ZFTA: variants seen among roughly 807,000 people sequenced by gnomAD.
The protein encoded by ZFTA is zinc finger translocation associated.
Under a neutral mutation model 41.8 loss-of-function variants are expected in ZFTA, and 35 were observed. The observed-to-expected ratio is 0.84, with a 90% confidence interval of 0.64 to 1.11. The LOEUF is 1.11. Ranked by LOEUF, ZFTA falls within the 50% of genes most tolerant of loss-of-function variation. The pLI, the probability that ZFTA is intolerant of heterozygous loss-of-function variation, is 0.00. For missense variants in ZFTA, 964 were observed against 989.8 expected (o/e 0.97, Z 0.35); for synonymous variants, 514 against 436.4 (o/e 1.18, Z -2.22).
intron 4 of ZFTA, 37 bp downstream of exon 4, chr11:63,764,001 G>C: frequency 1.5e-6 from 2 of 1,299,026 alleles, no homozygotes; most frequent in Non-Finnish European, 1.0e-6. Flanking sequence ...CAACTGCCCG[G>C]CTCTCCCTCT....
Position 63,764,948 on chromosome 11 carries a change from C to G in ZFTA, c.944G>C (p.Ser315Thr). ...CAGCAGGGCACTGCGCTGGGGGCCG[C>G]TGAGCCCCAGGGAGCCAGGGTGCAC... Reference protein sequence around the residue: ...LEVHPGSLGLSGPQRSALLQA... With the variant: ...LEVHPGSLGLTGPQRSALLQA... The change falls in exon 3 of 5, where the codon AGC becomes ACC. Residue 315 changes from serine to threonine, a missense_variant. Coordinates refer to ENST00000433688, the MANE Select transcript of ZFTA (RefSeq NM_001144936.2). The G allele has an allele frequency of 6.5e-7, 1 of 1,548,016 alleles. No individual in the cohort carries two copies. The highest frequency in any genetic ancestry group is 8.7e-7 in the Non-Finnish European group (1 of 1,146,464).
rs1480088014 is a variant in ZFTA, at chr11:63,764,041, ACTCCTCCTCCTCCTCCTCTGG to A, written c.1561_1581del (p.Pro521_Glu527del). 1 of 1,287,740 alleles carries A rather than the reference ACTCCTCCTCCTCCTCCTCTGG, an allele frequency of 7.8e-7. No homozygotes were observed. The highest frequency in any genetic ancestry group is 3.2e-5 in the East Asian group (1 of 31,742). The allele number at this position is 1,287,740 out of a possible 1,614,324, so 79.8% of individuals were successfully genotyped here. A position where few individuals can be genotyped will look rare whatever the true frequency, so the allele number is the denominator to read the frequency against. The stretch of plus-strand genomic sequence containing the variant: ...CTGCTCTGGCCCCACCGCTCACCCC[ACTCCTCCTCCTCCTCCTCTGG>A]CTCCTCCTCCTCGTCCCCTCCCCCC... On this transcript the variant is annotated inframe_deletion, in exon 4 of 5. Coordinates refer to ENST00000433688, the MANE Select transcript of ZFTA (RefSeq NM_001144936.2).
At chr11:63,768,448 G>A (rs1351645685) in intron 1 of ZFTA, 36 bp downstream of exon 1, 8 of 1,090,084 alleles carry the variant, frequency 7.3e-6, no homozygotes, top group African/African-American at 1.7e-5. Flanking sequence ...CCCCCACGCC[G>A]GGGCCCCCGC....
chr11:63,764,551 C>A lies in ZFTA; in HGVS notation c.1072G>T (p.Ala358Ser). Reference protein sequence around the residue: ...QDLTGKSRDSASAAGAPSSQD... With the variant: ...QDLTGKSRDSSSAAGAPSSQD... Reference sequence around the variant, plus strand: ...GAGGAGGGGGCTCCAGCAGCGGAGGCCGAGTCCCGGCTCTTTCCGGTCAGG... The same window carrying A: ...GAGGAGGGGGCTCCAGCAGCGGAGGACGAGTCCCGGCTCTTTCCGGTCAGG... The change falls in exon 4 of 5, where the codon GCC (alanine) becomes TCC (serine). Residue 358 changes from alanine (A) to serine (S), a missense_variant. Around this residue, in one of 5 missense-constraint regions of ZFTA, gnomAD observed 584 missense variants for 523.1 expected, o/e 1.12. Coordinates refer to ENST00000433688, the MANE Select transcript of ZFTA (RefSeq NM_001144936.2). 1.6e-6 allele frequency: 2 copies of A among 1,255,228 alleles called. No individual in the cohort carries two copies. The highest frequency in any genetic ancestry group is 2.0e-6 in the Non-Finnish European group (2 of 994,664). The allele number at this position is 1,255,228 out of a possible 1,614,324, so 77.8% of individuals were successfully genotyped here.
rs1237901966 is a variant in ZFTA at position 63,766,186 on chromosome 11, G to A, written c.258C>T (p.Ala86=). 2.6e-6 allele frequency: 4 copies of A among 1,528,310 alleles called. No homozygotes were observed. Among genetic ancestry groups the A allele is most frequent in the Non-Finnish European group, 3.5e-6 (4 of 1,136,792 alleles). The allele number at this position is 1,528,310 out of a possible 1,614,324, so 94.7% of individuals were successfully genotyped here. A position where few individuals can be genotyped will look rare whatever the true frequency, so the allele number is the denominator to read the frequency against. ...GGCTCTTTCCAGGCCTCGAGGCCCGGGCCTCACAGTGGTCTGAATATTTCC... is the reference window on the plus strand; with the variant it reads ...GGCTCTTTCCAGGCCTCGAGGCCCGAGCCTCACAGTGGTCTGAATATTTCC... ...SGRKYSDHCE[A]RASRPGKSRI... is the part of the protein sequence containing the mutation. The change falls in exon 2 of 5, where the codon GCC becomes GCT. Residue 86 remains alanine (A), a synonymous_variant. Coordinates refer to ENST00000433688, the MANE Select transcript of ZFTA (RefSeq NM_001144936.2).
At position 63,764,279 on chromosome 11, in the gene ZFTA, C is replaced by T; in HGVS notation, c.1344G>A (p.Ser448=). ...GGCGCTCGATGGTGCTCATCTTGAG[C>T]GAGGCCAGCGCGCCCCCGCACACCC... ...VCGVCGGALA[S]LKMSTIERHI... The change falls in exon 4 of 5, where the codon TCG becomes TCA. Residue 448 remains serine (S), a synonymous_variant. Transcript: ENST00000433688. 1 of 1,459,170 alleles carries T rather than the reference C, an allele frequency of 6.9e-7. No homozygotes were observed. The highest frequency in any genetic ancestry group is 1.5e-5 in the African/African-American group (1 of 67,368). The allele number at this position is 1,459,170 out of a possible 1,614,324, so 90.4% of individuals were successfully genotyped here.
rs536161742 is a variant in ZFTA, at chr11:63,762,393, C to T, written c.*1025G>A. ...TCCACAGGAGAATGAATCTACACAT[C>T]CCTCTCGGACCTGCCTGGGAGATCG... On this transcript the variant is annotated 3_prime_UTR_variant, in exon 5 of 5. Coordinates refer to ENST00000433688, the MANE Select transcript of ZFTA (RefSeq NM_001144936.2). 6.6e-6 allele frequency: 1 copy of T among 152,232 alleles called. No homozygotes were observed. The highest frequency in any genetic ancestry group is 1.5e-5 in the Non-Finnish European group (1 of 68,048). 9.4% of individuals were successfully genotyped at this position (152,232 alleles called of 1,614,324 possible).
rs1324588017 is a variant in ZFTA, at chr11:63,763,473, G to C, written c.1982C>G (p.Pro661Arg). 10 of 1,503,758 alleles carry C rather than the reference G, an allele frequency of 6.7e-6. No individual in the cohort carries two copies. The highest frequency in any genetic ancestry group is 7.1e-6 in the Non-Finnish European group (8 of 1,123,868). 93.2% of individuals were successfully genotyped at this position (1,503,758 alleles called of 1,614,324 possible). ...GTCCGCGCCGCCGTCACGCGGCGCC[G>C]GGGCGGGCGGCCCGAAGCCCTCGTG... ...YGHEGFGPPA[P>R]APRDGGADLK... The change falls in exon 5 of 5, where the codon CCG becomes CGG. Residue 661 changes from proline (P) to arginine (R), a missense_variant. Pro to Arg is a moderately radical substitution (Grantham distance 103). Around this residue, in one of 5 missense-constraint regions of ZFTA, gnomAD observed 65 missense variants for 58.9 expected, o/e 1.10. Transcript: ENST00000433688.
In ZFTA at chr11:63,762,361, C is replaced by A. The variant is rs1457541067; in HGVS notation, c.*1057G>T. On this transcript the variant is annotated 3_prime_UTR_variant, in exon 5 of 5. Transcript: ENST00000433688. ...AAAAAAGGGCCTGATCTCGGGGCCA[C>A]CTGTTCTCCACAGGAGAATGAATCT... is the stretch of plus-strand genomic sequence containing the variant. The A allele has an allele frequency of 6.6e-6, 1 of 152,086 alleles. No individual in the cohort carries two copies. Among genetic ancestry groups the A allele is most frequent in the Non-Finnish European group, 1.5e-5 (1 of 68,016 alleles). The allele number at this position is 152,086 out of a possible 1,614,324, so 9.4% of individuals were successfully genotyped here. A position where few individuals can be genotyped will look rare whatever the true frequency, so the allele number is the denominator to read the frequency against.
chr11:63,766,436 G>A (rs1211948999), intron 1 of ZFTA, 132 bp from the exon 2 acceptor site: 1 of 1,237,360 alleles, frequency 8.1e-7, no homozygotes, highest in African/African-American at 1.5e-5. Context: ...GACGGCAACA[G>A]CAATAAAAGG....
rs1446518581 is a variant in ZFTA at position 63,763,289 on chromosome 11, C to CG, written c.*128dup. ...CCCCGTCTCCGCCCGGCCCGGCCAG[C>CG]GGGGGGCGCGGCCGCGGGAAGCGCT... On this transcript the variant is annotated 3_prime_UTR_variant, in exon 5 of 5. Coordinates refer to ENST00000433688, the MANE Select transcript of ZFTA (RefSeq NM_001144936.2). 9.4e-6 allele frequency: 6 copies of CG among 635,682 alleles called. No individual in the cohort carries two copies. The highest frequency in any genetic ancestry group is 1.2e-5 in the Non-Finnish European group (6 of 485,580). 39.4% of individuals were successfully genotyped at this position (635,682 alleles called of 1,614,324 possible). A position where few individuals can be genotyped will look rare whatever the true frequency, so the allele number is the denominator to read the frequency against.
At position 63,765,856 on chromosome 11, in the gene ZFTA, CTCT is replaced by C. The variant is rs767588836; in HGVS notation, c.585_587del (p.Glu200del). On this transcript the variant is annotated inframe_deletion, in exon 2 of 5. Transcript: ENST00000433688. The surrounding 1 kb of genome is among the most constrained non-coding windows in gnomAD (Gnocchi z 4.0). Reference sequence around the variant, plus strand: ...GGACACCGGCCCCCTCCTCCTCCTCCTCTTCTTCCTCCTCCTCCTCCTCCTCAG... The same window carrying C: ...GGACACCGGCCCCCTCCTCCTCCTCCTCTTCCTCCTCCTCCTCCTCCTCAG... 3.7e-5 allele frequency: 55 copies of C among 1,499,024 alleles called. No homozygotes were observed. Among genetic ancestry groups the C allele is most frequent in the African/African-American group, 2.1e-4 (15 of 71,388 alleles). 92.9% of individuals were successfully genotyped at this position (1,499,024 alleles called of 1,614,324 possible).
rs1351433435 is a variant in ZFTA at position 63,761,407 on chromosome 11, G to C, written c.*2011C>G. ...CGCCTTCCAGCTGAGGCCCTGCAGA[G>C]CTCAGTGTGCTCATCCCAAGGCAGT... is the stretch of plus-strand genomic sequence containing the variant. On this transcript the variant is annotated 3_prime_UTR_variant, in exon 5 of 5. Transcript: ENST00000433688. 2 of 152,268 alleles carry C rather than the reference G, an allele frequency of 1.3e-5. No homozygotes were observed. Among genetic ancestry groups the C allele is most frequent in the Non-Finnish European group, 2.9e-5 (2 of 68,074 alleles). 9.4% of individuals were successfully genotyped at this position (152,268 alleles called of 1,614,324 possible).
Position 63,763,559 on chromosome 11 carries a change from C to A in ZFTA, c.1896G>T (p.Thr632=). 1.9e-6 allele frequency: 3 copies of A among 1,547,906 alleles called. No homozygotes were observed. In the South Asian group the frequency reaches 3.6e-5, roughly 18 times the overall value. The change falls in exon 5 of 5, where the codon ACG becomes ACT. Residue 632 remains threonine (T), a synonymous_variant. Coordinates refer to ENST00000433688, the MANE Select transcript of ZFTA (RefSeq NM_001144936.2). ...LQVHPFSMDF[T]PEERQTILEA... is the part of the protein sequence containing the mutation. ...CCAGGATAGTCTGGCGCTCCTCAGG[C>A]GTGAAGTCCATGGAGAAGGGGTGCA...
rs1035608130 is a variant in ZFTA at position 63,766,138 on chromosome 11, C to A, written c.306G>T (p.Arg102=). The A allele has an allele frequency of 2.8e-5, 42 of 1,517,958 alleles. No individual in the cohort carries two copies. The highest frequency in any genetic ancestry group is 1.7e-4 in the Middle Eastern group (1 of 5,848). The allele number at this position is 1,517,958 out of a possible 1,614,324, so 94.0% of individuals were successfully genotyped here. ...GKSRIPGRDH[R]RYYHDHWRLE... Reference sequence around the variant, plus strand: ...GCCGCCAGTGGTCGTGGTAGTAGCGCCGGTGGTCACGGCCAGGGATGCGGC... The same window carrying A: ...GCCGCCAGTGGTCGTGGTAGTAGCGACGGTGGTCACGGCCAGGGATGCGGC... Residue 102 remains arginine, a synonymous_variant, in exon 2 of 5, where the codon CGG becomes CGT. Transcript: ENST00000433688.
In ZFTA at chr11:63,764,114, G is replaced by A. The variant is rs549520004; in HGVS notation, c.1509C>T (p.Pro503=). Residue 503 remains proline (P), a synonymous_variant, in exon 4 of 5, where the codon CCC becomes CCT. Transcript: ENST00000433688. The part of the protein sequence containing the change: ...PRPESPQGPI[P]PGTAAASDEG... ...CGTCGGAGGCTGCGGCAGTGCCGGG[G>A]GGGATGGGGCCCTGGGGGGACTCGG... The A allele has an allele frequency of 1.5e-3, 2,071 of 1,344,830 alleles. 4 individuals carry two copies. Among genetic ancestry groups the A allele is most frequent in the Non-Finnish European group, 1.8e-3 (1,869 of 1,053,888 alleles). 83.3% of individuals were successfully genotyped at this position (1,344,830 alleles called of 1,614,324 possible). A position where few individuals can be genotyped will look rare whatever the true frequency, so the allele number is the denominator to read the frequency against.
chr11:63,764,171 G>A lies in ZFTA; in HGVS notation c.1452C>T (p.Ala484=). The change falls in exon 4 of 5, where the codon GCC becomes GCT. Residue 484 remains alanine, a synonymous_variant. Transcript: ENST00000433688. ...ALIAREWSEK[A]AHLLALGPPR... ...GCGGCCCCAGGGCCAGCAGGTGGGC[G>A]GCCTTCTCGCTCCACTCCCGGGCGA... The A allele has an allele frequency of 7.3e-7, 1 of 1,374,808 alleles. No homozygotes were observed. The highest frequency in any genetic ancestry group is 1.7e-5 in the South Asian group (1 of 59,422). 85.2% of individuals were successfully genotyped at this position (1,374,808 alleles called of 1,614,324 possible).
Position 63,763,883 on chromosome 11 carries a change from A to G in ZFTA, c.1586-14T>C. The G allele has an allele frequency of 2.1e-6, 3 of 1,418,322 alleles. No individual in the cohort carries two copies. The highest frequency in any genetic ancestry group is 2.8e-6 in the Non-Finnish European group (3 of 1,086,504). 87.9% of individuals were successfully genotyped at this position (1,418,322 alleles called of 1,614,324 possible). A position where few individuals can be genotyped will look rare whatever the true frequency, so the allele number is the denominator to read the frequency against. ...GCGGAACGTCGCCTAAGGAGGGACAAAGGACCGCATTGGCGACGGCGGGGG... is the reference window on the plus strand; with the variant it reads ...GCGGAACGTCGCCTAAGGAGGGACAGAGGACCGCATTGGCGACGGCGGGGG... On this transcript the variant is annotated splice_polypyrimidine_tract_variant and intron_variant, in intron 4 of 4. Coordinates refer to ENST00000433688, the MANE Select transcript of ZFTA (RefSeq NM_001144936.2).
In ZFTA at chr11:63,760,854, C is replaced by T. The variant is rs917451427; in HGVS notation, c.*2564G>A. 1 of 152,172 alleles carries T rather than the reference C, an allele frequency of 6.6e-6. No individual in the cohort carries two copies. The highest frequency in any genetic ancestry group is 1.5e-5 in the Non-Finnish European group (1 of 68,050). 9.4% of individuals were successfully genotyped at this position (152,172 alleles called of 1,614,324 possible). A position where few individuals can be genotyped will look rare whatever the true frequency, so the allele number is the denominator to read the frequency against. ...CAAGAATTTTTATTTCTAGCAGATT[C>T]CTAAGGTGATGCTGCTGGTCTCAGG... On this transcript the variant is annotated 3_prime_UTR_variant, in exon 5 of 5. Coordinates refer to ENST00000433688, the MANE Select transcript of ZFTA (RefSeq NM_001144936.2).
Sources: allele counts gnomAD v4.1 joint callset, GRCh38; gene constraint gnomAD v4.1.1; regional missense constraint gnomAD v4.1.1; non-coding constraint Gnocchi (gnomAD v3.1); transcripts MANE v1.5; gene names NCBI Gene and HGNC (gene_info 2026-07-23, HGNC 2026-07-21).